Variants in CETN3 observed in about 807,000 individuals in gnomAD.
The protein encoded by CETN3 is centrin-3.
A neutral mutation model predicts 20.1 loss-of-function variants in CETN3; 17 were observed. The ratio of observed to expected loss-of-function variants is 0.85; its 90% CI spans 0.58 to 1.27. CETN3 has a LOEUF of 1.27. Ranked by LOEUF, CETN3 falls within the 50% of genes most tolerant of loss-of-function variation. The pLI, the probability that CETN3 is intolerant of heterozygous loss-of-function variation, is 0.00. For missense variants in CETN3, 169 were observed against 191.2 expected, an observed-to-expected ratio of 0.88 and a Z score of 0.69; for synonymous variants, 52 against 59.7, an observed-to-expected ratio of 0.87 and a Z score of 0.59.
chr5:90,405,609 T>C, intron 3 of CETN3, 76 bp downstream of exon 3: 3 of 936,538 alleles, frequency 3.2e-6, no homozygotes, highest in Non-Finnish European at 5.1e-6. Flanking sequence ...ACCTAGAGAA[T>C]TTAAAATTTA....
chr5:90,409,702 A>G lies in CETN3; in HGVS notation c.-41T>C. ...AGACGTTCCTCTCAAGAACGATTTT[A>G]ACCCCCTACCCAAGGCAGCAAGACG... On this transcript the variant is annotated 5_prime_UTR_variant, in exon 1 of 5. Transcript: ENST00000283122. 6.2e-7 allele frequency: 1 copy of G among 1,613,882 alleles called. No individual in the cohort carries two copies. Among genetic ancestry groups the G allele is most frequent in the African/African-American group, 1.3e-5 (1 of 75,010 alleles).
rs1482819051 is a variant in CETN3, at chr5:90,399,458, C to T, written c.360G>A (p.Leu120=). 3 of 1,613,816 alleles carry T rather than the reference C, an allele frequency of 1.9e-6. No homozygotes were observed. Among genetic ancestry groups the T allele is most frequent in the Non-Finnish European group, 2.5e-6 (3 of 1,179,928 alleles). The change falls in exon 4 of 5, where the codon TTG becomes TTA. Residue 120 remains leucine (L), a synonymous_variant. Coordinates refer to ENST00000283122, the MANE Select transcript of CETN3 (RefSeq NM_004365.4). The part of the protein sequence containing the change: ...FDDDDSGKIS[L]RNLRRVAREL... The stretch of plus-strand genomic sequence containing the variant: ...CTCTAGCAACACGTCGCAAATTCCT[C>T]AAGCTTATTTTACCTGAATCATCAT...
chr5:90,395,746 AGGTAC>A (rs1375465500), intron 4 of CETN3: 49 of 346,430 alleles, frequency 1.4e-4, no homozygotes, highest in African/African-American at 1.1e-3. Context: ...TCTAGGCAGA[AGGTAC>A]AATGGTGTTC....
chr5:90,400,251 A>G (rs533391248), intron 3 of CETN3, among the ~76,000 whole-genome samples: 4 of 152,298 alleles, frequency 2.6e-5, no homozygotes, highest in African/African-American at 9.6e-5. Context: ...TTTTGTTTGG[A>G]TAAATCACTC....
At chr5:90,402,567 C>T (rs1749320815) in intron 3 of CETN3, among the ~76,000 whole-genome samples, 1 of 152,182 alleles carries the variant, frequency 6.6e-6, no homozygotes, top group Non-Finnish European at 1.5e-5. Context: ...TTTAAAATCT[C>T]CTCTGCAAAG....
At chr5:90,409,590 C>G in intron 1 of CETN3, 55 bp downstream of exon 1, 1 of 1,608,646 alleles carries the variant, frequency 6.2e-7, no homozygotes, top group Non-Finnish European at 8.5e-7. Context: ...CACACACACC[C>G]TCCCTGGGCC....
At chr5:90,401,264 A>C (rs1749281751) in intron 3 of CETN3, among the ~76,000 whole-genome samples, 1 of 152,166 alleles carries the variant, frequency 6.6e-6, no homozygotes, top group Non-Finnish European at 1.5e-5. Context: ...GGACAGCAAA[A>C]ACATTACCTA....
At chr5:90,397,053 G>A (rs905843197) in intron 4 of CETN3, among the ~76,000 whole-genome samples, 12 of 152,028 alleles carry the variant, frequency 7.9e-5, no homozygotes, top group African/African-American at 2.9e-4. Flanking sequence ...AAAATACTAT[G>A]CCATTTTATA....
At position 90,393,194 on chromosome 5, in the gene CETN3, T is replaced by G. The variant is rs2151881026; in HGVS notation, c.*870A>C. 1 of 152,320 alleles carries G rather than the reference T, an allele frequency of 6.6e-6. No homozygotes were observed. The highest frequency in any genetic ancestry group is 2.1e-4 in the South Asian group (1 of 4,828). The allele number at this position is 152,320 out of a possible 1,614,324, so 9.4% of individuals were successfully genotyped here. On this transcript the variant is annotated 3_prime_UTR_variant, in exon 5 of 5. Transcript: ENST00000283122. Reference sequence around the variant, plus strand: ...TACTATTTCCTGGTGAATCACAGACTGTTCCTTCATATAGGTAAAACATAG... The same window carrying G: ...TACTATTTCCTGGTGAATCACAGACGGTTCCTTCATATAGGTAAAACATAG...
chr5:90,393,383 GA>G lies in CETN3; in HGVS notation c.*680del, dbSNP rs1352824990. On this transcript the variant is annotated 3_prime_UTR_variant, in exon 5 of 5. Transcript: ENST00000283122. ...TTCAATTTGTTTAAGGAAATATTCA[GA>G]AGAAAATTAACTTTCATACTTACAA... 3 of 152,072 alleles carry G rather than the reference GA, an allele frequency of 2.0e-5. No homozygotes were observed. The highest frequency in any genetic ancestry group is 4.1e-4 in the South Asian group (2 of 4,822). 9.4% of individuals were successfully genotyped at this position (152,072 alleles called of 1,614,324 possible).
At chr5:90,409,610 G>C (rs1580166822) in intron 1 of CETN3, 35 bp downstream of exon 1, 3 of 1,613,064 alleles carry the variant, frequency 1.9e-6, no homozygotes, top group Non-Finnish European at 2.5e-6. Flanking sequence ...CCCGCTCCGG[G>C]GTGTGGAGAG....
intron 3 of CETN3, among the ~76,000 whole-genome samples, chr5:90,401,899 G>A (rs1260765953): frequency 6.6e-6 from 1 of 152,096 alleles, no homozygotes; most frequent in Non-Finnish European, 1.5e-5. Context: ...GCCCAGGCTG[G>A]AGTGCAATGG....
At chr5:90,396,324 G>A (rs1051614306) in intron 4 of CETN3, 3 of 984,836 alleles carry the variant, frequency 3.0e-6, no homozygotes, top group African/African-American at 3.5e-5. Flanking sequence ...TACAAAATCT[G>A]TAATACTCCA....
chr5:90,400,801 A>G (rs1749270346), intron 3 of CETN3, among the ~76,000 whole-genome samples: 1 of 152,148 alleles, frequency 6.6e-6, no homozygotes, highest in Non-Finnish European at 1.5e-5. Context: ...TTTATCCAAA[A>G]AGGCTTCCAA....
chr5:90,399,507 A>G lies in CETN3; in HGVS notation c.311T>C (p.Leu104Pro). ...ILERDPHEEI[L>P]KAFKLFDDDD... Reference sequence around the variant, plus strand: ...ATCATCAAATAGTTTAAATGCCTTGAGTATTTCTTCATGGGGATCTCTTTC... The same window carrying G: ...ATCATCAAATAGTTTAAATGCCTTGGGTATTTCTTCATGGGGATCTCTTTC... Residue 104 changes from leucine to proline, a missense_variant, in exon 4 of 5, where the codon CTC becomes CCC. Leu to Pro is a moderately conservative substitution (Grantham distance 98, BLOSUM62 -3). Transcript: ENST00000283122. The G allele has an allele frequency of 2.5e-6, 4 of 1,613,690 alleles. No homozygotes were observed. Among genetic ancestry groups the G allele is most frequent in the Non-Finnish European group, 3.4e-6 (4 of 1,179,766 alleles).
intron 3 of CETN3, among the ~76,000 whole-genome samples, chr5:90,400,569 T>C (rs1001161121): frequency 2.0e-5 from 3 of 150,588 alleles, no homozygotes; most frequent in African/African-American, 7.3e-5. Context: ...CTCGGTCCTG[T>C]TGAAGGTTAC....
At chr5:90,400,588 T>TAAAAAAAAAAA (rs200830960) in intron 3 of CETN3, among the ~76,000 whole-genome samples, 1 of 116,450 alleles carries the variant, frequency 8.6e-6, no homozygotes, top group African/African-American at 3.2e-5. Flanking sequence ...ACAGAATCAT[T>TAAAAAAAAAAA]AAAAAAAAAA....
chr5:90,406,089 ATTG>A (rs921567442), intron 2 of CETN3, among the ~76,000 whole-genome samples: 1 of 152,126 alleles, frequency 6.6e-6, no homozygotes, highest in African/African-American at 2.4e-5. Flanking sequence ...AGATAATTTG[ATTG>A]TTATTTGTTC....
chr5:90,405,319 C>T (rs897773773), intron 3 of CETN3: 2 of 228,902 alleles, frequency 8.7e-6, no homozygotes, highest in East Asian at 9.0e-5. Flanking sequence ...GAAACATTTT[C>T]CAAACAGCAG....
Sources: gnomAD v4.1 joint callset for allele counts (sites outside exome capture counted in the v4.1 genomes callset) on GRCh38, gnomAD v4.1.1 for gene constraint, MANE v1.5 for transcripts, NCBI Gene and HGNC (gene_info 2026-07-23, HGNC 2026-07-21) for gene names.